FBXL20: variants seen among roughly 807,000 people sequenced by gnomAD.
The protein encoded by FBXL20 is F-box and leucine rich repeat protein 20.
A neutral mutation model predicts 64.0 loss-of-function variants in FBXL20; 11 were observed. The observed-to-expected ratio is 0.17, with a 90% CI of 0.11 to 0.28. The LOEUF (loss-of-function observed/expected upper bound fraction) is 0.28, where lower values mean the gene tolerates loss of function less well. FBXL20 is among the 10% of genes least tolerant of loss of function. FBXL20 has a pLI of 1.00. For synonymous variants in FBXL20, 184 were observed against 189.0 expected (o/e 0.97, Z 0.22); for missense variants, 303 against 526.2 (o/e 0.58, Z 4.15).
chr17:39,370,242 G>A (rs1477765869), intron 1 of FBXL20, among the ~76,000 whole-genome samples: 1 of 151,378 alleles, frequency 6.6e-6, no homozygotes, highest in Non-Finnish European at 1.5e-5. Flanking sequence ...TGTAATCCTA[G>A]CACTTTGGGA....
intron 1 of FBXL20, among the ~76,000 whole-genome samples, chr17:39,400,794 G>A (rs2048233737): frequency 1.3e-5 from 2 of 152,176 alleles, no homozygotes; most frequent in Admixed American, 1.3e-4. Context: ...AGCTACAGAA[G>A]TACAGACTAA....
intron 8 of FBXL20, among the ~76,000 whole-genome samples, chr17:39,282,272 GTGAC>G (rs1426389984): frequency 6.6e-6 from 1 of 152,150 alleles, no homozygotes; most frequent in African/African-American, 2.4e-5. Flanking sequence ...GATTTGTAAT[GTGAC>G]TGGCAGGAAA....
chr17:39,262,243 T>C (rs2046753249), intron 14 of FBXL20, among the ~76,000 whole-genome samples: 1 of 152,086 alleles, frequency 6.6e-6, no homozygotes, highest in Non-Finnish European at 1.5e-5. Flanking sequence ...TGGTACTCTT[T>C]TATTTGCTCA....
intron 14 of FBXL20, among the ~76,000 whole-genome samples, chr17:39,262,147 C>G (rs2046752309): frequency 1.3e-5 from 2 of 151,984 alleles, no homozygotes; most frequent in African/African-American, 4.8e-5. Context: ...GGCTGCAAGG[C>G]CACCCCCAGT....
At position 39,254,197 on chromosome 17, in the gene FBXL20, C is replaced by T; in HGVS notation, c.*7263G>A. ...GGTTCAAGTGATTCTCTTGCCTCAGCCTCCCAAGTAGCTGGGATTTTGTAT... is the reference window on the plus strand; with the variant it reads ...GGTTCAAGTGATTCTCTTGCCTCAGTCTCCCAAGTAGCTGGGATTTTGTAT... On this transcript the variant is annotated 3_prime_UTR_variant, in exon 15 of 15. Coordinates refer to ENST00000264658, the MANE Select transcript of FBXL20 (RefSeq NM_032875.3). 1 of 152,384 alleles carries T rather than the reference C, an allele frequency of 6.6e-6. No individual in the cohort carries two copies. The highest frequency in any genetic ancestry group is 1.5e-5 in the Non-Finnish European group (1 of 68,114). The allele number at this position is 152,384 out of a possible 1,614,324, so 9.4% of individuals were successfully genotyped here.
chr17:39,323,216 G>A (rs934802036), intron 2 of FBXL20, among the ~76,000 whole-genome samples: 21 of 151,980 alleles, frequency 1.4e-4, no homozygotes, highest in African/African-American at 2.2e-4. Flanking sequence ...TGATCCGCCC[G>A]CCTCGGCCTC....
intron 1 of FBXL20, among the ~76,000 whole-genome samples, chr17:39,355,119 C>T (rs887715766): frequency 6.6e-6 from 1 of 152,136 alleles, no homozygotes; most frequent in African/African-American, 2.4e-5. Context: ...TTAGTAGAGG[C>T]GGCATTTCAC....
At chr17:39,291,210 T>G (rs1375695627) in intron 6 of FBXL20, among the ~76,000 whole-genome samples, 1 of 152,196 alleles carries the variant, frequency 6.6e-6, no homozygotes, top group South Asian at 2.1e-4. Context: ...ATCACCCGCC[T>G]CAGCCTCCCA....
intron 7 of FBXL20, among the ~76,000 whole-genome samples, chr17:39,283,428 ATTTTC>A: frequency 6.6e-6 from 1 of 151,272 alleles, no homozygotes; most frequent in East Asian, 1.9e-4. Context: ...AGCATTTCAG[ATTTTC>A]TTTTCTTTCT....
chr17:39,278,087 G>A (rs1567860868), intron 9 of FBXL20, among the ~76,000 whole-genome samples: 1 of 152,200 alleles, frequency 6.6e-6, no homozygotes, highest in Non-Finnish European at 1.5e-5. Context: ...TATGTAATGT[G>A]TATGTATAGA....
intron 1 of FBXL20, among the ~76,000 whole-genome samples, chr17:39,344,765 G>C (rs1219354329): frequency 6.6e-6 from 1 of 152,100 alleles, no homozygotes; most frequent in Non-Finnish European, 1.5e-5. Context: ...ACCCCAGCCT[G>C]GGTGACACAG....
intron 1 of FBXL20, among the ~76,000 whole-genome samples, chr17:39,361,880 C>G (rs181506242): frequency 2.4e-4 from 36 of 151,728 alleles, no homozygotes; most frequent in Non-Finnish European, 4.3e-4. Context: ...TGAGGACTGC[C>G]CGAGCCCCGG....
chr17:39,330,829 T>C (rs955221434), intron 2 of FBXL20, among the ~76,000 whole-genome samples: 1 of 151,738 alleles, frequency 6.6e-6, no homozygotes, highest in African/African-American at 2.4e-5. Context: ...AGGGAGAAAA[T>C]AACATCCTAC....
intron 2 of FBXL20, among the ~76,000 whole-genome samples, chr17:39,327,858 G>A (rs1013678082): frequency 6.6e-6 from 1 of 151,912 alleles, no homozygotes; most frequent in African/African-American, 2.4e-5. Context: ...CTGCCACCAC[G>A]CCCGGGTAAC....
intron 3 of FBXL20, among the ~76,000 whole-genome samples, chr17:39,302,488 C>G (rs1168948486): frequency 2.6e-5 from 4 of 151,912 alleles, no homozygotes; most frequent in Admixed American, 2.0e-4. Context: ...ATTCTCCTGC[C>G]TCAGCCTCCC....
At chr17:39,315,868 A>C (rs111622577) in intron 2 of FBXL20, among the ~76,000 whole-genome samples, 331 of 144,576 alleles carry the variant, frequency 2.3e-3, no homozygotes, top group Admixed American at 3.8e-3. Flanking sequence ...AGAGAGAGAG[A>C]GAGCAACTGT....
At chr17:39,396,646 C>CA (rs1249756598) in intron 1 of FBXL20, among the ~76,000 whole-genome samples, 6 of 150,236 alleles carry the variant, frequency 4.0e-5, no homozygotes, top group Admixed American at 3.3e-4. Context: ...TAGTTGCTAG[C>CA]AAAAAATTAA....
At chr17:39,262,808 C>T (rs2046758645) in intron 14 of FBXL20, among the ~76,000 whole-genome samples, 2 of 150,914 alleles carry the variant, frequency 1.3e-5, no homozygotes, top group Non-Finnish European at 3.0e-5. Flanking sequence ...ACCATCCTGG[C>T]TAACACGGTG....
intron 1 of FBXL20, among the ~76,000 whole-genome samples, chr17:39,393,800 G>A (rs1342438826): frequency 6.6e-6 from 1 of 152,080 alleles, no homozygotes; most frequent in Non-Finnish European, 1.5e-5. Flanking sequence ...TACTTTAAGA[G>A]AAAGTCTTCA....
Sources: allele counts gnomAD v4.1 joint callset (sites outside exome capture counted in the v4.1 genomes callset), GRCh38; gene constraint gnomAD v4.1.1; transcripts MANE v1.5; gene names NCBI Gene and HGNC (gene_info 2026-07-23, HGNC 2026-07-21).